Variants in IQGAP2 observed in about 807,000 individuals in gnomAD.
IQGAP2 encodes the protein ras GTPase-activating-like protein IQGAP2.
Under a neutral mutation model 201.3 loss-of-function variants are expected in IQGAP2, and 173 were observed. That is an observed-to-expected ratio of 0.86 (90% CI 0.76 to 0.98). The LOEUF (loss-of-function observed/expected upper bound fraction) is 0.98. Ranked by LOEUF, IQGAP2 falls within the 50% of genes least tolerant of loss-of-function variation. The pLI is 0.00. For synonymous variants in IQGAP2, 675 were observed against 673.9 expected (o/e 1.00, Z -0.03); for missense variants, 1,687 against 1,864.8 (o/e 0.90, Z 1.76).
chr5:76,686,596 G>A (rs997654299), intron 30 of IQGAP2, among the ~76,000 whole-genome samples: 2 of 152,046 alleles, frequency 1.3e-5, no homozygotes, highest in African/African-American at 4.8e-5. Flanking sequence ...TGCAAGCTCT[G>A]CCTCCTGGGT....
intron 3 of IQGAP2, among the ~76,000 whole-genome samples, chr5:76,566,218 G>A (rs1292066837): frequency 2.0e-5 from 3 of 152,076 alleles, no homozygotes; most frequent in Non-Finnish European, 4.4e-5. Flanking sequence ...CAGACTAAGT[G>A]AATTTATAGC....
At chr5:76,450,215 C>T (rs1421061033) in intron 1 of IQGAP2, among the ~76,000 whole-genome samples, 1 of 152,148 alleles carries the variant, frequency 6.6e-6, no homozygotes, top group East Asian at 1.9e-4. Flanking sequence ...TACACAATCA[C>T]GGGTTGTATA....
chr5:76,666,177 A>G (rs1274548647), intron 22 of IQGAP2, among the ~76,000 whole-genome samples: 1 of 152,266 alleles, frequency 6.6e-6, no homozygotes, highest in Non-Finnish European at 1.5e-5. Flanking sequence ...ATCTTCAAAC[A>G]TACGAACATC....
intron 35 of IQGAP2, among the ~76,000 whole-genome samples, chr5:76,703,378 A>G (rs1171204456): frequency 6.6e-6 from 1 of 152,054 alleles, no homozygotes; most frequent in Non-Finnish European, 1.5e-5. Flanking sequence ...CTTGTCTTAG[A>G]CTACTGGGCT....
At chr5:76,644,288 G>GTA (rs1554079764) in intron 17 of IQGAP2, among the ~76,000 whole-genome samples, 1 of 39,242 alleles carries the variant, frequency 2.5e-5, no homozygotes, top group Non-Finnish European at 6.7e-5. Context: ...TGCCATTTTT[G>GTA]TAAATCCTTT....
intron 1 of IQGAP2, among the ~76,000 whole-genome samples, chr5:76,426,905 G>GGTGTGTGTGT (rs141560559): frequency 0.03 from 4,455 of 146,556 alleles, 102 homozygotes; most frequent in Middle Eastern, 0.083. Context: ...AACCATGGAG[G>GGTGTGTGTGT]GTGTGTGTGT....
chr5:76,706,889 G>A (rs976092303), intron 35 of IQGAP2, among the ~76,000 whole-genome samples: 3 of 152,190 alleles, frequency 2.0e-5, no homozygotes, highest in African/African-American at 7.2e-5. Flanking sequence ...TCCTGTGGGA[G>A]GAGCCCAGGC....
At chr5:76,574,385 C>T (rs1331783369) in intron 4 of IQGAP2, among the ~76,000 whole-genome samples, 1 of 152,142 alleles carries the variant, frequency 6.6e-6, no homozygotes, top group Non-Finnish European at 1.5e-5. Flanking sequence ...CTTACTGCAA[C>T]CTCCACTTCC....
intron 2 of IQGAP2, among the ~76,000 whole-genome samples, chr5:76,559,168 T>G (rs1411760317): frequency 6.6e-6 from 1 of 152,202 alleles, no homozygotes; most frequent in Non-Finnish European, 1.5e-5. Flanking sequence ...CCCAAAGTGA[T>G]GGGATTACAG....
At chr5:76,604,497 G>T (rs1446749520) in intron 11 of IQGAP2, among the ~76,000 whole-genome samples, 1 of 151,852 alleles carries the variant, frequency 6.6e-6, no homozygotes, top group Non-Finnish European at 1.5e-5. Flanking sequence ...GGGATTACTG[G>T]GTCAAATGGT....
intron 2 of IQGAP2, among the ~76,000 whole-genome samples, chr5:76,507,257 A>G (rs1411912714): frequency 6.6e-6 from 1 of 152,232 alleles, no homozygotes; most frequent in Non-Finnish European, 1.5e-5. Context: ...AAGGTGTGAT[A>G]CAAGGCAGAA....
intron 6 of IQGAP2, among the ~76,000 whole-genome samples, chr5:76,589,311 CAAAAA>C (rs35291690): frequency 2.8e-5 from 3 of 106,794 alleles, no homozygotes; most frequent in Non-Finnish European, 1.9e-5. Context: ...GACTCTGCCT[CAAAAA>C]AAAAAAAAAA....
chr5:76,456,785 A>G (rs2150121542), intron 1 of IQGAP2, among the ~76,000 whole-genome samples: 1 of 152,302 alleles, frequency 6.6e-6, no homozygotes, highest in South Asian at 2.1e-4. Context: ...AACAATGTGT[A>G]TTTATAATGC....
At chr5:76,692,787 C>T (rs1353014625) in intron 30 of IQGAP2, among the ~76,000 whole-genome samples, 7 of 152,198 alleles carry the variant, frequency 4.6e-5, no homozygotes, top group Admixed American at 4.6e-4. Context: ...CCATCCTCCT[C>T]GCTGCTGTGT....
intron 24 of IQGAP2, among the ~76,000 whole-genome samples, chr5:76,672,276 C>G (rs189669287): frequency 1.3e-5 from 2 of 151,822 alleles, no homozygotes. Flanking sequence ...TCTCTCTTCA[C>G]CTGATAATAC....
At chr5:76,676,296 C>T (rs1202584361) in intron 27 of IQGAP2, among the ~76,000 whole-genome samples, 1 of 152,140 alleles carries the variant, frequency 6.6e-6, no homozygotes, top group African/African-American at 2.4e-5. Context: ...TCTCAGAAAT[C>T]TACAAAAAAT....
chr5:76,411,420 AT>A (rs1751109492), intron 1 of IQGAP2, among the ~76,000 whole-genome samples: 2 of 152,210 alleles, frequency 1.3e-5, no homozygotes, highest in Admixed American at 6.5e-5. Flanking sequence ...AACAAATGTG[AT>A]TTGGAAGGTG....
rs577529347 is a variant in IQGAP2, at chr5:76,542,479, G to A, written c.147-19917G>A. Among the ~76,000 whole-genome samples, 242 of 152,240 alleles carry A rather than the reference G, an allele frequency of 1.6e-3. 1 individual carries two copies. The highest frequency in any genetic ancestry group is 5.6e-3 in the African/African-American group (234 of 41,540). Reference sequence around the variant, plus strand: ...CCTGCAGGTATCTGTTTCCAAGCCCGCCCTGTTAGAGTGGATTTTCTGAGG... The same window carrying A: ...CCTGCAGGTATCTGTTTCCAAGCCCACCCTGTTAGAGTGGATTTTCTGAGG... On this transcript the variant is annotated intron_variant, in intron 2 of 35. Coordinates refer to ENST00000274364, the MANE Select transcript of IQGAP2 (RefSeq NM_006633.5).
chr5:76,537,616 A>G (rs1157518827), intron 2 of IQGAP2, among the ~76,000 whole-genome samples: 1 of 152,146 alleles, frequency 6.6e-6, no homozygotes, highest in Non-Finnish European at 1.5e-5. Context: ...TTCTATTATA[A>G]TATCCTATCA....
Sources: gnomAD v4.1 joint callset for allele counts (sites outside exome capture counted in the v4.1 genomes callset) on GRCh38, gnomAD v4.1.1 for gene constraint, MANE v1.5 for transcripts, NCBI Gene and HGNC (gene_info 2026-07-23, HGNC 2026-07-21) for gene names.